PRORP: variants seen among roughly 807,000 people sequenced by gnomAD.
PRORP encodes the protein protein only RNase P catalytic subunit, also known as mitochondrial ribonuclease P catalytic subunit.
PRORP carries 51 observed loss-of-function variants against 59.4 expected under a neutral mutation model. That is an observed-to-expected ratio of 0.86 (90% CI 0.69 to 1.08). PRORP has a LOEUF of 1.08. Ranked by LOEUF, PRORP falls within the 50% of genes least tolerant of loss-of-function variation. The pLI is 0.00. For synonymous variants in PRORP, 231 were observed against 245.6 expected (o/e 0.94, Z 0.55); for missense variants, 646 against 690.3 (o/e 0.94, Z 0.72).
chr14:35,167,890 A>G (rs2048224082), intron 4 of PRORP, among the ~76,000 whole-genome samples: 2 of 152,252 alleles, frequency 1.3e-5, no homozygotes, highest in Admixed American at 1.3e-4. Context: ...CATAAAAAGT[A>G]GTGATCGTCA....
intron 5 of PRORP, among the ~76,000 whole-genome samples, chr14:35,256,385 T>A (rs1442794532): frequency 3.0e-5 from 4 of 133,174 alleles, no homozygotes; most frequent in Non-Finnish European, 6.4e-5. Flanking sequence ...AGGCTGGAGT[T>A]CAGTGGTGCA....
At chr14:35,181,326 C>T (rs758531821) in intron 5 of PRORP, among the ~76,000 whole-genome samples, 7 of 152,006 alleles carry the variant, frequency 4.6e-5, no homozygotes, top group Non-Finnish European at 1.0e-4. Flanking sequence ...ACTTTAATCT[C>T]TATTTTGTAG....
At chr14:35,149,113 G>T (rs1453833223) in intron 4 of PRORP, among the ~76,000 whole-genome samples, 3 of 149,838 alleles carry the variant, frequency 2.0e-5, no homozygotes, top group East Asian at 2.0e-4. Context: ...TAGAGATGGG[G>T]TTTCACCGTG....
intron 5 of PRORP, among the ~76,000 whole-genome samples, chr14:35,262,082 A>T (rs944917092): frequency 3.9e-5 from 6 of 152,224 alleles, no homozygotes; most frequent in African/African-American, 1.4e-4. Context: ...TGAAGACACA[A>T]CTGTATTATC....
upstream of PRORP, chr14:35,121,905 T>G: frequency 6.2e-7 from 1 of 1,614,004 alleles, no homozygotes; most frequent in Non-Finnish European, 8.5e-7. Flanking sequence ...AACTCACTGT[T>G]TGGACAGGTG....
In PRORP at chr14:35,200,211, G is replaced by T. The variant is rs142902826; in HGVS notation, c.1275+19434G>T. Among the ~76,000 whole-genome samples, 396 of 151,846 alleles carry T rather than the reference G, an allele frequency of 2.6e-3. 3 individuals carry two copies. The highest frequency in any genetic ancestry group is 8.2e-3 in the African/African-American group (339 of 41,404). On this transcript the variant is annotated intron_variant, in intron 5 of 7. Coordinates refer to ENST00000534898, the MANE Select transcript of PRORP (RefSeq NM_014672.4). ...GTTTGTTTGTTTGTTTTTTTCTTTT[G>T]AGACAGAGTCTCACTCTGTTGCCCA... is the stretch of plus-strand genomic sequence containing the variant.
intron 5 of PRORP, among the ~76,000 whole-genome samples, chr14:35,230,373 A>G (rs1184101759): frequency 6.6e-6 from 1 of 152,198 alleles, no homozygotes; most frequent in African/African-American, 2.4e-5. Flanking sequence ...ATTCTGATAG[A>G]GATGGGGAAA....
At chr14:35,203,828 G>T (rs1435033939) in intron 5 of PRORP, among the ~76,000 whole-genome samples, 1 of 152,034 alleles carries the variant, frequency 6.6e-6, no homozygotes, top group Admixed American at 6.6e-5. Flanking sequence ...TCACGCCACT[G>T]CACTCCAGCC....
intron 5 of PRORP, among the ~76,000 whole-genome samples, chr14:35,219,455 AC>A (rs2049713134): frequency 6.6e-6 from 1 of 152,218 alleles, no homozygotes; most frequent in East Asian, 1.9e-4. Flanking sequence ...CTACAAAGGG[AC>A]ATGCAGCATT....
In PRORP at chr14:35,123,829, T is replaced by C. The variant is rs2047013003; in HGVS notation, c.584T>C (p.Ile195Thr). Residue 195 changes from isoleucine (I) to threonine (T), a missense_variant, in exon 2 of 8, where the codon ATT (isoleucine) becomes ACT (threonine). Physicochemically the swap from Ile to Thr is moderately conservative, Grantham distance 89. Coordinates refer to ENST00000534898, the MANE Select transcript of PRORP (RefSeq NM_014672.4). Reference protein sequence around the residue: ...CVFHMQTSEVIDVFEIMKARY... With the variant: ...CVFHMQTSEVTDVFEIMKARY... ...TTTCATATGCAGACATCTGAAGTTA[T>C]TGATGTCTTTGAAATTATGAAAGCC... The C allele has an allele frequency of 6.2e-7, 1 of 1,614,106 alleles. No homozygotes were observed. Among genetic ancestry groups the C allele is most frequent in the South Asian group, 1.1e-5 (1 of 91,082 alleles).
chr14:35,172,670 C>T (rs1595238021), intron 4 of PRORP, among the ~76,000 whole-genome samples: 3 of 151,572 alleles, frequency 2.0e-5, no homozygotes, highest in African/African-American at 4.8e-5. Flanking sequence ...CTGCCTCAGC[C>T]TCCTGAGTAG....
chr14:35,273,344 T>G, intron 7 of PRORP, 91 bp from the exon 8 acceptor site: 1 of 1,298,726 alleles, frequency 7.7e-7, no homozygotes, highest in Non-Finnish European at 1.0e-6. Context: ...AATACTCTTC[T>G]GGAGCAAACT....
intron 2 of PRORP, among the ~76,000 whole-genome samples, chr14:35,125,640 C>T (rs1436789747): frequency 6.6e-6 from 1 of 152,042 alleles, no homozygotes. Context: ...GCTTAATTAT[C>T]TTAAACTTAC....
intron 4 of PRORP, among the ~76,000 whole-genome samples, chr14:35,148,983 A>G (rs998916032): frequency 4.4e-5 from 6 of 137,704 alleles, no homozygotes; most frequent in African/African-American, 8.4e-5. Context: ...CAGTGGCGCA[A>G]TCTCGGCTCA....
chr14:35,174,670 T>TG (rs1388166896), intron 4 of PRORP, among the ~76,000 whole-genome samples: 1 of 151,914 alleles, frequency 6.6e-6, no homozygotes, highest in African/African-American at 2.4e-5. Context: ...ACTGGTAGAG[T>TG]GGCATACCTA....
chr14:35,263,068 A>G, intron 5 of PRORP: 2 of 1,399,014 alleles, frequency 1.4e-6, no homozygotes, highest in East Asian at 2.3e-5. Flanking sequence ...CTGAAACAAG[A>G]TGCCGGATGA....
intron 5 of PRORP, among the ~76,000 whole-genome samples, chr14:35,244,591 T>A (rs963278262): frequency 6.6e-6 from 1 of 152,200 alleles, no homozygotes; most frequent in Non-Finnish European, 1.5e-5. Flanking sequence ...TGGTAGAATA[T>A]TGGCAATTTT....
rs1029511621 is a variant in PRORP at position 35,124,412 on chromosome 14, C to T, written c.986+181C>T. 3 of 379,526 alleles carry T rather than the reference C, an allele frequency of 7.9e-6. No individual in the cohort carries two copies. The Admixed American group carries it at 1.3e-4, about 16-fold the overall frequency. 23.5% of individuals were successfully genotyped at this position (379,526 alleles called of 1,614,324 possible). A position where few individuals can be genotyped will look rare whatever the true frequency, so the allele number is the denominator to read the frequency against. Reference sequence around the variant, plus strand: ...TCTCCTCAGTAGCTAAAACCACAGGCATGTGCCACCATACCTGGCTAATTA... The same window carrying T: ...TCTCCTCAGTAGCTAAAACCACAGGTATGTGCCACCATACCTGGCTAATTA... On this transcript the variant is annotated intron_variant, in intron 2 of 7. Transcript: ENST00000534898.
intron 5 of PRORP, among the ~76,000 whole-genome samples, chr14:35,253,544 C>T (rs1436561060): frequency 4.6e-5 from 7 of 152,202 alleles, no homozygotes; most frequent in Non-Finnish European, 8.8e-5. Flanking sequence ...CGATTGTTTG[C>T]TCAGACAAAA....
Sources: allele counts gnomAD v4.1 joint callset (sites outside exome capture counted in the v4.1 genomes callset), GRCh38; gene constraint gnomAD v4.1.1; transcripts MANE v1.5; gene names NCBI Gene and HGNC (gene_info 2026-07-23, HGNC 2026-07-21).